Variants in PIWIL1 observed in about 807,000 individuals in gnomAD.
The protein encoded by PIWIL1 is piwi like RNA-mediated gene silencing 1.
In PIWIL1, 73 loss-of-function variants were observed where a neutral mutation model predicts 114.4. That is an observed-to-expected ratio of 0.64 (90% CI 0.53 to 0.78). The LOEUF (loss-of-function observed/expected upper bound fraction) is 0.78. Among genes scored for constraint, PIWIL1 ranks in the 30% least tolerant of loss-of-function variants. The pLI is 0.00. For synonymous variants in PIWIL1, 375 were observed against 369.0 expected, an observed-to-expected ratio of 1.02 and a Z score of -0.19; for missense variants, 723 against 1,063.1, an observed-to-expected ratio of 0.68 and a Z score of 4.45.
the PIWIL1 span, among the ~76,000 whole-genome samples, chr12:130,423,794 C>T: frequency 1.3e-5 from 2 of 150,888 alleles, no homozygotes; most frequent in South Asian, 2.1e-4. Context: ...TAAATAAATC[C>T]CTAAGGATCC....
chr12:130,405,404 A>C, the PIWIL1 span, among the ~76,000 whole-genome samples: 1 of 152,182 alleles, frequency 6.6e-6, no homozygotes, highest in African/African-American at 2.4e-5. Context: ...GTTCTTGCCG[A>C]TTCTGATAAA....
At chr12:130,371,108 C>A in intron 19 of PIWIL1, 68 bp from the exon 20 acceptor site, 1 of 1,338,626 alleles carries the variant, frequency 7.5e-7, no homozygotes, top group Non-Finnish European at 1.1e-6. Flanking sequence ...CAGAGCTTTT[C>A]ACTGTAAGAA....
intron 16 of PIWIL1, 54 bp downstream of exon 16, chr12:130,361,655 G>A: frequency 7.6e-7 from 1 of 1,315,658 alleles, no homozygotes; most frequent in Admixed American, 1.7e-5. Context: ...GCAGGGTTCT[G>A]GAGGTTCAGG....
chr12:130,408,506 G>C, the PIWIL1 span, among the ~76,000 whole-genome samples: 135 of 152,280 alleles, frequency 8.9e-4, no homozygotes, highest in African/African-American at 2.9e-3. Flanking sequence ...ACAGATCGGG[G>C]CCTGGGCATC....
chr12:130,355,444 C>A, intron 11 of PIWIL1, 109 bp from the exon 12 acceptor site: 1 of 830,566 alleles, frequency 1.2e-6, no homozygotes, highest in Non-Finnish European at 2.1e-6. Flanking sequence ...GCGCCTTCAC[C>A]CTGACGGCGA....
chr12:130,422,511 C>G, the PIWIL1 span: 3 of 1,613,148 alleles, frequency 1.9e-6, no homozygotes, highest in Non-Finnish European at 2.5e-6. This position sits in a 1 kb window ranked among gnomAD's most constrained non-coding sequence, Gnocchi z 5.2. Flanking sequence ...CACGGGGAAA[C>G]CTCCGGCCCA....
At chr12:130,345,682 A>G in intron 3 of PIWIL1, 71 bp from the exon 4 acceptor site, 5 of 1,513,226 alleles carry the variant, frequency 3.3e-6, no homozygotes, top group Non-Finnish European at 4.6e-6. Context: ...ACATAATAGC[A>G]CTATGGGAGT....
the PIWIL1 span, chr12:130,424,593 GC>G: frequency 8.1e-7 from 1 of 1,231,914 alleles, no homozygotes; most frequent in Non-Finnish European, 1.0e-6. The surrounding 1 kb of genome is among the most constrained non-coding windows in gnomAD (Gnocchi z 9.8). Flanking sequence ...GTGGGGGACG[GC>G]CCCCGAGCCC....
At chr12:130,398,470 T>G in the PIWIL1 span, 5 of 152,696 alleles carry the variant, frequency 3.3e-5, no homozygotes, top group East Asian at 1.9e-4. Flanking sequence ...ATACCATCTA[T>G]TCCATCTAAT....
chr12:130,379,996 C>T, the PIWIL1 span, among the ~76,000 whole-genome samples: 1 of 97,238 alleles, frequency 1.0e-5, no homozygotes, highest in East Asian at 2.9e-4. Flanking sequence ...ACAGTTCCTT[C>T]AACTCCCTCA....
chr12:130,358,098 T>C (rs534954606), intron 14 of PIWIL1, among the ~76,000 whole-genome samples: 1 of 152,242 alleles, frequency 6.6e-6, no homozygotes, highest in South Asian at 2.1e-4. Context: ...GTGTTGTTGT[T>C]GTGTGTGCTT....
chr12:130,390,151 T>C, the PIWIL1 span, among the ~76,000 whole-genome samples: 1 of 152,248 alleles, frequency 6.6e-6, no homozygotes, highest in African/African-American at 2.4e-5. Flanking sequence ...TAACAAGTTT[T>C]TTTCTGTTAC....
the PIWIL1 span, among the ~76,000 whole-genome samples, chr12:130,384,120 GTCTC>G: frequency 7.9e-5 from 12 of 152,166 alleles, no homozygotes; most frequent in African/African-American, 2.9e-4. Context: ...TTTTATAAAT[GTCTC>G]TTTGGTGAAC....
rs2136109631 is a variant in PIWIL1 at position 130,338,118 on chromosome 12, C to CAGG, written c.-39_-37dup. The stretch of plus-strand genomic sequence containing the variant: ...TGGCCTCGGGCTGAGGTGCAAGGAC[C>CAGG]AGGACTAGGGCGAGGGCAGCGGTCC... On this transcript the variant is annotated 5_prime_UTR_variant, in exon 1 of 21. Transcript: ENST00000245255. 3.8e-6 allele frequency: 1 copy of CAGG among 265,964 alleles called. No homozygotes were observed. The highest frequency in any genetic ancestry group is 1.6e-4 in the East Asian group (1 of 6,192). 16.5% of individuals were successfully genotyped at this position (265,964 alleles called of 1,614,324 possible). A position where few individuals can be genotyped will look rare whatever the true frequency, so the allele number is the denominator to read the frequency against.
chr12:130,345,533 G>T (rs1026887203), intron 3 of PIWIL1: 6 of 474,626 alleles, frequency 1.3e-5, no homozygotes, highest in African/African-American at 9.8e-5. Flanking sequence ...ATCTGCAATT[G>T]CCCAGGACAG....
the PIWIL1 span, among the ~76,000 whole-genome samples, chr12:130,417,043 A>G: frequency 6.6e-6 from 1 of 152,244 alleles, no homozygotes; most frequent in African/African-American, 2.4e-5. Context: ...ACAATGAGAT[A>G]CCATCTCACA....
the PIWIL1 span, among the ~76,000 whole-genome samples, chr12:130,377,858 G>A: frequency 5.9e-5 from 9 of 152,146 alleles, no homozygotes; most frequent in African/African-American, 1.4e-4. Flanking sequence ...ACCTTCCATC[G>A]GAGGCCAACC....
the PIWIL1 span, among the ~76,000 whole-genome samples, chr12:130,381,920 C>G: frequency 1.3e-5 from 2 of 152,112 alleles, no homozygotes; most frequent in Non-Finnish European, 2.9e-5. Flanking sequence ...AACATATTTT[C>G]CTATGCACAC....
the PIWIL1 span, among the ~76,000 whole-genome samples, chr12:130,421,471 A>G: frequency 6.6e-6 from 1 of 152,224 alleles, no homozygotes; most frequent in Non-Finnish European, 1.5e-5. Flanking sequence ...GCAGGACACA[A>G]TTTCAAAGAA....
Sources: gnomAD v4.1 joint callset for allele counts (sites outside exome capture counted in the v4.1 genomes callset) on GRCh38, gnomAD v4.1.1 for gene constraint, Gnocchi (gnomAD v3.1) non-coding constraint, MANE v1.5 for transcripts, NCBI Gene and HGNC (gene_info 2026-07-23, HGNC 2026-07-21) for gene names.